Variants in NRXN3 observed in about 807,000 individuals in gnomAD.
NRXN3 encodes the protein neurexin 3.
Under a neutral mutation model 137.6 loss-of-function variants are expected in NRXN3, and 32 were observed. The observed-to-expected ratio is 0.23, with a 90% CI of 0.18 to 0.31. The LOEUF (loss-of-function observed/expected upper bound fraction) is 0.31, where lower values mean the gene tolerates loss of function less well. NRXN3 is among the 10% of genes least tolerant of loss of function. NRXN3 has a pLI of 1.00. For synonymous variants in NRXN3, 798 were observed against 784.5 expected, an observed-to-expected ratio of 1.02 and a Z score of -0.29; for missense variants, 1,574 against 2,062.5, an observed-to-expected ratio of 0.76 and a Z score of 4.59.
chr14:78,347,437 C>A (rs538365125), intron 4 of NRXN3, among the ~76,000 whole-genome samples: 1 of 152,174 alleles, frequency 6.6e-6, no homozygotes, highest in Non-Finnish European at 1.5e-5. Context: ...TTTTACCAAG[C>A]CACTCCCTGG....
At chr14:78,633,262 A>AAAAAAAAAG in intron 4 of NRXN3, among the ~76,000 whole-genome samples, 1 of 150,940 alleles carries the variant, frequency 6.6e-6, no homozygotes, top group Non-Finnish European at 1.5e-5. Flanking sequence ...AAAAAAAAAA[A>AAAAAAAAAG]AAAAAAGAGA....
intron 10 of NRXN3, among the ~76,000 whole-genome samples, chr14:78,953,549 C>T (rs1435878398): frequency 6.6e-6 from 1 of 152,190 alleles, no homozygotes; most frequent in Non-Finnish European, 1.5e-5. Flanking sequence ...CCAAGGGATT[C>T]ATTAAAGGCT....
intron 2 of NRXN3, among the ~76,000 whole-genome samples, chr14:78,246,551 G>T (rs934305079): frequency 2.0e-5 from 3 of 152,162 alleles, no homozygotes; most frequent in Non-Finnish European, 1.5e-5. Flanking sequence ...AAAGGTTGAG[G>T]TGAGAGAGGA....
At chr14:79,820,263 T>A (rs749479763) in intron 20 of NRXN3, among the ~76,000 whole-genome samples, 3 of 152,156 alleles carry the variant, frequency 2.0e-5, no homozygotes, top group Non-Finnish European at 2.9e-5. Flanking sequence ...GCACCATATC[T>A]AGGACTCCTG....
At chr14:78,986,561 G>C (rs778776978) in intron 14 of NRXN3, among the ~76,000 whole-genome samples, 9 of 152,104 alleles carry the variant, frequency 5.9e-5, no homozygotes, top group Non-Finnish European at 1.0e-4. Context: ...AAATTTACTT[G>C]TAAGTTATAT....
At chr14:78,405,528 G>A (rs969147564) in intron 4 of NRXN3, among the ~76,000 whole-genome samples, 1 of 148,128 alleles carries the variant, frequency 6.8e-6, no homozygotes, top group Non-Finnish European at 1.5e-5. Context: ...ATCTCAGAGT[G>A]TTTGTCACTG....
At chr14:79,442,516 C>A (rs1045803015) in intron 15 of NRXN3, among the ~76,000 whole-genome samples, 1 of 152,136 alleles carries the variant, frequency 6.6e-6, no homozygotes, top group Non-Finnish European at 1.5e-5. Context: ...TTTGCTATAA[C>A]CTTGATTATT....
chr14:79,719,566 C>T (rs1461341739), intron 19 of NRXN3, among the ~76,000 whole-genome samples: 3 of 152,088 alleles, frequency 2.0e-5, no homozygotes, highest in East Asian at 3.9e-4. Context: ...ATTTTATACT[C>T]TCACTGATTT....
chr14:78,263,984 C>T (rs761741887), intron 2 of NRXN3, among the ~76,000 whole-genome samples: 4 of 150,150 alleles, frequency 2.7e-5, no homozygotes, highest in Non-Finnish European at 5.9e-5. Flanking sequence ...AAAACCAAAT[C>T]TTCTTCCTAC....
In NRXN3 at chr14:79,868,178, T is replaced by C. The variant is rs1307862405; in HGVS notation, c.*6214T>C. Reference sequence around the variant, plus strand: ...ATAATTATCCTTAAATAAATGTTGGTCGTTATTACAATTGGCTTTGTTACT... The same window carrying C: ...ATAATTATCCTTAAATAAATGTTGGCCGTTATTACAATTGGCTTTGTTACT... On this transcript the variant is annotated 3_prime_UTR_variant, in exon 21 of 21. Coordinates refer to ENST00000335750, the MANE Select transcript of NRXN3 (RefSeq NM_001330195.2). 1.3e-5 allele frequency: 2 copies of C among 152,212 alleles called. No homozygotes were observed. The highest frequency in any genetic ancestry group is 2.9e-5 in the Non-Finnish European group (2 of 68,032). 9.4% of individuals were successfully genotyped at this position (152,212 alleles called of 1,614,324 possible). A position where few individuals can be genotyped will look rare whatever the true frequency, so the allele number is the denominator to read the frequency against.
intron 4 of NRXN3, among the ~76,000 whole-genome samples, chr14:78,298,444 T>C (rs1304380149): frequency 6.6e-6 from 1 of 152,190 alleles, no homozygotes; most frequent in Non-Finnish European, 1.5e-5. Context: ...ACTAACTCAT[T>C]ATACACCCTG....
At chr14:79,095,266 C>T (rs1393908196) in intron 15 of NRXN3, among the ~76,000 whole-genome samples, 2 of 151,974 alleles carry the variant, frequency 1.3e-5, no homozygotes. Context: ...CGCTATAGGC[C>T]GTTATAAATT....
At chr14:78,899,062 A>G (rs939514940) in intron 10 of NRXN3, among the ~76,000 whole-genome samples, 1 of 151,950 alleles carries the variant, frequency 6.6e-6, no homozygotes, top group Non-Finnish European at 1.5e-5. Flanking sequence ...TGAGCCAGAG[A>G]AAAGCAGTGG....
chr14:79,732,220 C>T, intron 19 of NRXN3, among the ~76,000 whole-genome samples: 1 of 152,136 alleles, frequency 6.6e-6, no homozygotes, highest in East Asian at 1.9e-4. Flanking sequence ...ATCTATTCTA[C>T]ATACCATGTT....
intron 15 of NRXN3, among the ~76,000 whole-genome samples, chr14:79,146,545 G>C (rs1321697175): frequency 1.3e-5 from 2 of 152,024 alleles, no homozygotes; most frequent in African/African-American, 4.8e-5. Flanking sequence ...GTTGTCAGGA[G>C]TGGACTTGAA....
At chr14:79,465,319 A>C (rs960693754) in intron 15 of NRXN3, among the ~76,000 whole-genome samples, 2 of 152,184 alleles carry the variant, frequency 1.3e-5, no homozygotes, top group African/African-American at 4.8e-5. Flanking sequence ...TATAGAATTA[A>C]TCATAGACTT....
chr14:79,412,036 A>T (rs182822013), intron 15 of NRXN3, among the ~76,000 whole-genome samples: 1 of 152,198 alleles, frequency 6.6e-6, no homozygotes, highest in Non-Finnish European at 1.5e-5. Context: ...TTGACATGGG[A>T]TCCTGGCCAG....
At position 78,666,923 on chromosome 14, in the gene NRXN3, C is replaced by G. The variant is rs571666189; in HGVS notation, c.1221+15597C>G. Among the ~76,000 whole-genome samples, 11 of 152,258 alleles carry G rather than the reference C, an allele frequency of 7.2e-5. No homozygotes were observed. In the East Asian group the frequency reaches 2.1e-3, roughly 29 times the overall value. Reference sequence around the variant, plus strand: ...ACTTGGGTGCCACCTCCTCATAGTTCCTCCCTAAATTTAACCAGAGTAGTC... The same window carrying G: ...ACTTGGGTGCCACCTCCTCATAGTTGCTCCCTAAATTTAACCAGAGTAGTC... On this transcript the variant is annotated intron_variant, in intron 6 of 20. Transcript: ENST00000335750.
intron 6 of NRXN3, among the ~76,000 whole-genome samples, chr14:78,653,577 G>A (rs1020415038): frequency 3.9e-5 from 6 of 152,106 alleles, no homozygotes; most frequent in South Asian, 4.1e-4. Context: ...TAGAGACAAT[G>A]GAGCAATTTC....
Sources: gnomAD v4.1 joint callset for allele counts (sites outside exome capture counted in the v4.1 genomes callset) on GRCh38, gnomAD v4.1.1 for gene constraint, MANE v1.5 for transcripts, NCBI Gene and HGNC (gene_info 2026-07-23, HGNC 2026-07-21) for gene names.